Variants in CP observed in about 807,000 individuals in gnomAD.
The protein encoded by CP is ceruloplasmin.
Under a neutral mutation model 122.4 loss-of-function variants are expected in CP, and 64 were observed. That is an observed-to-expected ratio of 0.52 (90% CI 0.43 to 0.64). The LOEUF (loss-of-function observed/expected upper bound fraction) is 0.64. Among genes scored for constraint, CP ranks in the 30% least tolerant of loss-of-function variants. The probability of loss-of-function intolerance (pLI) is 0.00; values close to 1 mark genes in which losing one functional copy is unlikely to be tolerated. For missense variants in CP, 1,167 were observed against 1,284.4 expected, an observed-to-expected ratio of 0.91 and a Z score of 1.40; for synonymous variants, 440 against 436.4, an observed-to-expected ratio of 1.01 and a Z score of -0.10.
chr3:149,164,180 G>C (rs1576699300), intron 5 of CP, among the ~76,000 whole-genome samples: 1 of 152,110 alleles, frequency 6.6e-6, no homozygotes, highest in South Asian at 2.1e-4. Flanking sequence ...GTGGATGAAC[G>C]AACTTCACCA....
At chr3:149,172,167 C>A, downstream of CP, 1 of 1,613,168 alleles carries the variant, frequency 6.2e-7, no homozygotes, top group Non-Finnish European at 8.5e-7. Context: ...GATGGTACTG[C>A]AACATTTTTC....
chr3:149,184,060 G>T (rs1446693976), intron 12 of CP, among the ~76,000 whole-genome samples: 2 of 56,318 alleles, frequency 3.6e-5, no homozygotes, highest in Non-Finnish European at 6.5e-5. Flanking sequence ...TTTTTTTGAG[G>T]AGTCTTGCTC....
In CP at chr3:149,202,185, T is replaced by C. The variant is rs200156117; in HGVS notation, c.1265A>G (p.Lys422Arg). 57 of 1,614,142 alleles carry C rather than the reference T, an allele frequency of 3.5e-5. No individual in the cohort carries two copies. Among genetic ancestry groups the C allele is most frequent in the Admixed American group, 3.0e-4 (18 of 60,026 alleles). Reference protein sequence around the residue: ...GTTRIGGSYKKLVYREYTDAS... With the variant: ...GTTRIGGSYKRLVYREYTDAS... ...ATCTGTGTACTCACGATAAACCAGC[T>C]TTTTATAAGAGCCTCCAATTCTTGT... Residue 422 changes from lysine (K) to arginine (R), a missense_variant, in exon 7 of 19, where the codon AAG becomes AGG. Physicochemically the swap from Lys to Arg is conservative, Grantham distance 26. Coordinates refer to ENST00000264613, the MANE Select transcript of CP (RefSeq NM_000096.4).
At chr3:149,220,734 A>C (rs1728755386) in intron 1 of CP, among the ~76,000 whole-genome samples, 1 of 152,182 alleles carries the variant, frequency 6.6e-6, no homozygotes, top group African/African-American at 2.4e-5. Flanking sequence ...TTTTTTAAAG[A>C]TATAATCTTG....
chr3:149,216,072 G>A (rs1055830538), intron 1 of CP, among the ~76,000 whole-genome samples: 2 of 152,024 alleles, frequency 1.3e-5, no homozygotes, highest in African/African-American at 2.4e-5. Context: ...CCAAAACTTG[G>A]GTATTATAGG....
intron 9 of CP, among the ~76,000 whole-genome samples, chr3:149,191,562 C>T (rs1223742518): frequency 6.6e-6 from 1 of 151,676 alleles, no homozygotes; most frequent in Non-Finnish European, 1.5e-5. Flanking sequence ...AGATCAGACA[C>T]AAACAAGGCT....
Position 149,183,482 on chromosome 3 carries a change from T to A in CP, c.2409A>T (p.Glu803Asp), listed in dbSNP as rs777397203. ...TTAACATACCTAGAATTCCCAGATG[T>A]TCTTCTTCAGCTTTTCTCTCCACTG... Reference protein sequence around the residue: ...RVPVERKAEEEHLGILGPQLH... With the variant: ...RVPVERKAEEDHLGILGPQLH... The change falls in exon 13 of 19, where the codon GAA becomes GAT. Residue 803 changes from glutamate to aspartate, a missense_variant. Physicochemically the swap from Glu to Asp is conservative, Grantham distance 45. This residue lies in a region of CP where 525 missense variants were observed against 657.2 expected (regional missense o/e 0.80). Transcript: ENST00000264613. 35 of 1,611,498 alleles carry A rather than the reference T, an allele frequency of 2.2e-5. No individual in the cohort carries two copies. Among genetic ancestry groups the A allele is most frequent in the Admixed American group, 5.0e-5 (3 of 59,994 alleles).
downstream of CP, among the ~76,000 whole-genome samples, chr3:149,170,174 T>G (rs1027531919): frequency 6.6e-6 from 1 of 152,162 alleles, no homozygotes; most frequent in Admixed American, 6.5e-5. Context: ...CTCTGTGAAT[T>G]TAAGATATTG....
In CP at chr3:149,185,221, C is replaced by CA; in HGVS notation, c.2285+17dup. 1 of 1,610,356 alleles carries CA rather than the reference C, an allele frequency of 6.2e-7. No individual in the cohort carries two copies. The highest frequency in any genetic ancestry group is 1.1e-5 in the South Asian group (1 of 90,908). ...TAAAATTACTGCTGAAATTGGGAAT[C>CA]AGAGTCTGGAGAATTACTTCTGCTC... is the stretch of plus-strand genomic sequence containing the variant. On this transcript the variant is annotated intron_variant, in intron 12 of 18. Coordinates refer to ENST00000264613, the MANE Select transcript of CP (RefSeq NM_000096.4).
exon 6 of CP, chr3:149,162,605 G>C: frequency 7.3e-7 from 1 of 1,379,110 alleles, no homozygotes; most frequent in Non-Finnish European, 1.0e-6. Flanking sequence ...CGTGGCCCAT[G>C]TGATGCTGTG....
Position 149,206,472 on chromosome 3 carries a change from G to C in CP, c.1037-133C>G. 4.0e-6 allele frequency: 4 copies of C among 997,828 alleles called. No individual in the cohort carries two copies. The Admixed American group carries it at 7.8e-5, about 20-fold the overall frequency. The allele number at this position is 997,828 out of a possible 1,614,324, so 61.8% of individuals were successfully genotyped here. A position where few individuals can be genotyped will look rare whatever the true frequency, so the allele number is the denominator to read the frequency against. ...CAGATAGCAACAGTACTATAAACTA[G>C]GGCAGACAGCTGTAAATAAATTAAT... On this transcript the variant is annotated intron_variant, in intron 5 of 18. Coordinates refer to ENST00000264613, the MANE Select transcript of CP (RefSeq NM_000096.4).
In CP at chr3:149,215,453, C is replaced by G. The variant is rs188867733; in HGVS notation, c.147-2755G>C. Among the ~76,000 whole-genome samples the G allele has an allele frequency of 2.9e-3, 437 of 152,276 alleles. 8 individuals are homozygous for G. Among genetic ancestry groups the G allele is most frequent in the Non-Finnish European group, 2.2e-4 (15 of 68,034 alleles). On this transcript the variant is annotated intron_variant, in intron 1 of 18. Transcript: ENST00000264613. ...TTATTGATCTGAAGGTATAACATAT[C>G]TAGGCGTTTTAACATCTGAAATTCC...
downstream of CP, among the ~76,000 whole-genome samples, chr3:149,171,276 C>CA (rs547538833): frequency 0.16 from 21,994 of 140,762 alleles, 2,079 homozygotes; most frequent in East Asian, 0.27. Flanking sequence ...GACTCCGTCT[C>CA]AAAAAAAAAA....
At chr3:149,186,311 C>T in intron 11 of CP, 5 of 597,414 alleles carry the variant, frequency 8.4e-6, no homozygotes, top group African/African-American at 7.4e-5. Context: ...TGTTCTTTTA[C>T]TCCACATTGT....
At position 149,186,520 on chromosome 3, in the gene CP, C is replaced by T; in HGVS notation, c.2077G>A (p.Gly693Arg). ...GAGACTTGGCTTTAAGTAAATATAC[C>T]CTCTGTGTCAGGCCACATGTGGAGC... Reference protein sequence around the residue: ...LTLHMWPDTEGTFNVECLTTD... With the variant: ...LTLHMWPDTERTFNVECLTTD... The change falls in exon 11 of 19, where the codon GGG becomes AGG. Residue 693 changes from glycine to arginine, a missense_variant and splice_region_variant. Physicochemically the swap from Gly to Arg is moderately radical, Grantham distance 125 (BLOSUM62 -2). Transcript: ENST00000264613. The T allele has an allele frequency of 6.2e-7, 1 of 1,613,992 alleles. No homozygotes were observed. The highest frequency in any genetic ancestry group is 1.6e-4 in the Middle Eastern group (1 of 6,062).
chr3:149,162,476 C>A, exon 6 of CP: 1 of 891,970 alleles, frequency 1.1e-6, no homozygotes, highest in Non-Finnish European at 1.8e-6. Flanking sequence ...GATAAAAGTA[C>A]TAATTAAAAG....
chr3:149,209,092 T>C, intron 4 of CP, 119 bp downstream of exon 4: 1 of 1,310,206 alleles, frequency 7.6e-7, no homozygotes, highest in African/African-American at 1.5e-5. Context: ...TCCAATATGC[T>C]TTGTTATAAG....
intron 12 of CP, among the ~76,000 whole-genome samples, chr3:149,184,591 T>C (rs966373503): frequency 6.6e-6 from 1 of 152,174 alleles, no homozygotes; most frequent in Non-Finnish European, 1.5e-5. Context: ...CTTGGAAAAG[T>C]ATGAAGAAAG....
At chr3:149,188,332 A>G (rs1726315766) in intron 9 of CP, 130 bp from the exon 10 acceptor site, 1 of 735,202 alleles carries the variant, frequency 1.4e-6, no homozygotes, top group South Asian at 1.8e-5. Context: ...TGCTCTTTGT[A>G]AACTAGGGTT....
Sources: allele counts gnomAD v4.1 joint callset (sites outside exome capture counted in the v4.1 genomes callset), GRCh38; gene constraint gnomAD v4.1.1; regional missense constraint gnomAD v4.1.1; transcripts MANE v1.5; gene names NCBI Gene and HGNC (gene_info 2026-07-23, HGNC 2026-07-21).